ZC3HAV1L: variants seen among roughly 807,000 people sequenced by gnomAD.
ZC3HAV1L encodes the protein ZC3HAV1 like.
A neutral mutation model predicts 28.2 loss-of-function variants in ZC3HAV1L; 23 were observed. That is an observed-to-expected ratio of 0.82 (90% CI 0.59 to 1.16). The LOEUF is 1.16. Among genes scored for constraint, ZC3HAV1L ranks in the 50% most tolerant of loss-of-function variants. The pLI is 0.00. For missense variants in ZC3HAV1L, 376 were observed against 387.7 expected, an observed-to-expected ratio of 0.97 and a Z score of 0.25; for synonymous variants, 180 against 163.4, an observed-to-expected ratio of 1.10 and a Z score of -0.78.
intron 2 of ZC3HAV1L, among the ~76,000 whole-genome samples, chr7:139,032,530 A>G (rs916640831): frequency 1.9e-4 from 24 of 125,208 alleles, no homozygotes; most frequent in Non-Finnish European, 3.4e-4. Context: ...AGGCTGAGGC[A>G]GAAGAATGGC....
intron 1 of ZC3HAV1L, 78 bp from the exon 2 acceptor site, chr7:139,034,756 T>C: frequency 2.5e-6 from 4 of 1,571,576 alleles, no homozygotes; most frequent in Non-Finnish European, 3.5e-6. Flanking sequence ...TGAGCAGCTT[T>C]CAATGTATTT....
At chr7:139,033,875 C>T in intron 2 of ZC3HAV1L, 10 of 985,448 alleles carry the variant, frequency 1.0e-5, no homozygotes, top group Non-Finnish European at 1.1e-5. Flanking sequence ...TAACCTGCTT[C>T]AGCTACTGCT....
At chr7:139,031,761 T>A (rs1232174617) in intron 2 of ZC3HAV1L, among the ~76,000 whole-genome samples, 1 of 151,498 alleles carries the variant, frequency 6.6e-6, no homozygotes, top group Non-Finnish European at 1.5e-5. Context: ...AAAAACTAGC[T>A]GGGTATGGTG....
chr7:139,034,393 T>C, intron 2 of ZC3HAV1L, 150 bp downstream of exon 2: 4 of 1,289,336 alleles, frequency 3.1e-6, no homozygotes, highest in Non-Finnish European at 4.2e-6. Context: ...TTCGCCATGA[T>C]AGCAATTATA....
chr7:139,023,426 G>A (rs1469380784), downstream of ZC3HAV1L, among the ~76,000 whole-genome samples: 1 of 152,112 alleles, frequency 6.6e-6, no homozygotes, highest in East Asian at 1.9e-4. Flanking sequence ...AGAGGCAGGC[G>A]TCCCTTTTAG....
rs1361417983 is a variant in ZC3HAV1L, at chr7:139,035,362, C to G, written c.365+291G>C. On this transcript the variant is annotated intron_variant, in intron 1 of 4. Coordinates refer to ENST00000275766, the MANE Select transcript of ZC3HAV1L (RefSeq NM_080660.4). ...ATAAGTGAGCTCCGAAGTCCCAGTCCGGATTTAACCCGGCCGCGTCGCGCA... is the reference window on the plus strand; with the variant it reads ...ATAAGTGAGCTCCGAAGTCCCAGTCGGGATTTAACCCGGCCGCGTCGCGCA... 4 of 983,894 alleles carry G rather than the reference C, an allele frequency of 4.1e-6. No individual in the cohort carries two copies. The African/African-American group carries it at 7.0e-5, about 17-fold the overall frequency. The allele number at this position is 983,894 out of a possible 1,614,324, so 60.9% of individuals were successfully genotyped here. A position where few individuals can be genotyped will look rare whatever the true frequency, so the allele number is the denominator to read the frequency against.
intron 2 of ZC3HAV1L, 38 bp downstream of exon 2, chr7:139,034,505 A>G: frequency 6.2e-7 from 1 of 1,606,026 alleles, no homozygotes; most frequent in South Asian, 1.1e-5. Flanking sequence ...AAGTACTTGT[A>G]GCAAATGTGA....
downstream of ZC3HAV1L, among the ~76,000 whole-genome samples, chr7:139,022,102 G>A (rs993277829): frequency 6.6e-6 from 1 of 152,078 alleles, no homozygotes; most frequent in Non-Finnish European, 1.5e-5. Context: ...CAATAATGGA[G>A]ACTAAATCCC....
At chr7:139,034,491 G>C (rs1468836194) in intron 2 of ZC3HAV1L, 52 bp downstream of exon 2, 11 of 1,587,252 alleles carry the variant, frequency 6.9e-6, no homozygotes, top group Middle Eastern at 1.7e-4. Context: ...AAAATAAATG[G>C]GGAAAGTACT....
chr7:139,030,560 G>A (rs1383012349), intron 2 of ZC3HAV1L, among the ~76,000 whole-genome samples: 1 of 151,074 alleles, frequency 6.6e-6, no homozygotes, highest in African/African-American at 2.4e-5. Flanking sequence ...CCGGTGTGGT[G>A]GCTCACACCT....
intron 3 of ZC3HAV1L, among the ~76,000 whole-genome samples, chr7:139,028,387 AAAC>A (rs1815419526): frequency 2.0e-5 from 3 of 151,006 alleles, no homozygotes; most frequent in Non-Finnish European, 4.4e-5. Context: ...AAAAAAACAA[AAAC>A]AAAACCTGTT....
In ZC3HAV1L at chr7:139,035,842, C is replaced by T. The variant is rs1460331972; in HGVS notation, c.176G>A (p.Gly59Asp). The change falls in exon 1 of 5, where the codon GGC becomes GAC. Residue 59 changes from glycine to aspartate, a missense_variant. Transcript: ENST00000275766. ...CGCCTCGGCCTCCGCGTCCCCGAGGCCCTCCTGCGTCTCCACCTCCTGCAG... is the reference window on the plus strand; with the variant it reads ...CGCCTCGGCCTCCGCGTCCCCGAGGTCCTCCTGCGTCTCCACCTCCTGCAG... ...FLLQEVETQEGLGDAEAEAAA... is the reference protein window; with the variant it reads ...FLLQEVETQEDLGDAEAEAAA... 1.3e-6 allele frequency: 2 copies of T among 1,495,942 alleles called. No homozygotes were observed. The highest frequency in any genetic ancestry group is 2.5e-5 in the South Asian group (2 of 79,552). 92.7% of individuals were successfully genotyped at this position (1,495,942 alleles called of 1,614,324 possible).
At position 139,026,390 on chromosome 7, in the gene ZC3HAV1L, G is replaced by T; in HGVS notation, c.*154C>A. ...CTGAGGAAAGCACCTAGGAGCTGCA[G>T]ATAGCAGCTGCCATCTTCAGCACTT... On this transcript the variant is annotated 3_prime_UTR_variant, in exon 5 of 5. Coordinates refer to ENST00000275766, the MANE Select transcript of ZC3HAV1L (RefSeq NM_080660.4). 1 of 1,216,598 alleles carries T rather than the reference G, an allele frequency of 8.2e-7. No individual in the cohort carries two copies. The highest frequency in any genetic ancestry group is 1.1e-6 in the Non-Finnish European group (1 of 894,896). The allele number at this position is 1,216,598 out of a possible 1,614,324, so 75.4% of individuals were successfully genotyped here.
Position 139,035,966 on chromosome 7 carries a change from C to G in ZC3HAV1L, c.52G>C (p.Gly18Arg). The change falls in exon 1 of 5, where the codon GGC becomes CGC. Residue 18 changes from glycine (G) to arginine (R), a missense_variant. Transcript: ENST00000275766. The stretch of plus-strand genomic sequence containing the variant: ...AGGTCCTTCAGGAACATGCGGCCGC[C>G]GTGGGCGCACAGCACCTTGGTGAGG... The part of the protein sequence containing the change: ...SFLTKVLCAH[G>R]GRMFLKDLRG... 1 of 1,522,134 alleles carries G rather than the reference C, an allele frequency of 6.6e-7. No homozygotes were observed. The highest frequency in any genetic ancestry group is 8.7e-7 in the Non-Finnish European group (1 of 1,143,030). 94.3% of individuals were successfully genotyped at this position (1,522,134 alleles called of 1,614,324 possible).
At chr7:139,022,190 T>C (rs1160667052), downstream of ZC3HAV1L, among the ~76,000 whole-genome samples, 2 of 152,154 alleles carry the variant, frequency 1.3e-5, no homozygotes, top group Non-Finnish European at 2.9e-5. Flanking sequence ...ACTGAAGCAC[T>C]AAAAACATGT....
At chr7:139,034,907 A>G (rs1269330806) in intron 1 of ZC3HAV1L, 2 of 985,322 alleles carry the variant, frequency 2.0e-6, no homozygotes, top group African/African-American at 3.5e-5. Context: ...TTTGAAGCCA[A>G]GGGTCGCCCA....
Position 139,026,316 on chromosome 7 carries a change from G to A in ZC3HAV1L, c.*228C>T, listed in dbSNP as rs550650377. Reference sequence around the variant, plus strand: ...AGGATTGCCACAATATAAATTGATAGAAAAACAATGGTGGACCACAGAAGT... The same window carrying A: ...AGGATTGCCACAATATAAATTGATAAAAAAACAATGGTGGACCACAGAAGT... On this transcript the variant is annotated 3_prime_UTR_variant, in exon 5 of 5. Transcript: ENST00000275766. 257 of 566,210 alleles carry A rather than the reference G, an allele frequency of 4.5e-4. No homozygotes were observed. Among genetic ancestry groups the A allele is most frequent in the Middle Eastern group, 2.7e-3 (10 of 3,686 alleles). The allele number at this position is 566,210 out of a possible 1,614,324, so 35.1% of individuals were successfully genotyped here. A position where few individuals can be genotyped will look rare whatever the true frequency, so the allele number is the denominator to read the frequency against.
At chr7:139,033,423 G>A (rs1005983266) in intron 2 of ZC3HAV1L, among the ~76,000 whole-genome samples, 1 of 152,134 alleles carries the variant, frequency 6.6e-6, no homozygotes, top group African/African-American at 2.4e-5. Context: ...TGAGAGAGTG[G>A]TAAAAGCAAT....
At chr7:139,023,192 A>AAAAC (rs1554435472), downstream of ZC3HAV1L, among the ~76,000 whole-genome samples, 1 of 150,574 alleles carries the variant, frequency 6.6e-6, no homozygotes, top group Non-Finnish European at 1.5e-5. Flanking sequence ...GAAAAAAAAA[A>AAAAC]AAAAAAAAAA....
Sources: gnomAD v4.1 joint callset for allele counts (sites outside exome capture counted in the v4.1 genomes callset) on GRCh38, gnomAD v4.1.1 for gene constraint, MANE v1.5 for transcripts, NCBI Gene and HGNC (gene_info 2026-07-23, HGNC 2026-07-21) for gene names.